The following DHRS3 variants were observed in gnomAD, a reference collection of about 807,000 sequenced individuals.
The protein encoded by DHRS3 is dehydrogenase/reductase 3.
In DHRS3, 14 loss-of-function variants were observed where a neutral mutation model predicts 27.2. The observed-to-expected ratio is 0.52, with a 90% CI of 0.34 to 0.81. The LOEUF (loss-of-function observed/expected upper bound fraction) is 0.81. Ranked by LOEUF, DHRS3 falls within the 30% of genes least tolerant of loss-of-function variation. DHRS3 has a pLI of 0.01. For synonymous variants in DHRS3, 165 were observed against 175.9 expected, an observed-to-expected ratio of 0.94 and a Z score of 0.49; for missense variants, 322 against 406.2, an observed-to-expected ratio of 0.79 and a Z score of 1.78.
At chr1:12,600,260 G>C in intron 1 of DHRS3, 7 of 678,652 alleles carry the variant, frequency 1.0e-5, no homozygotes, top group Non-Finnish European at 1.3e-5. Flanking sequence ...CATTTCCACT[G>C]ACTTGAAGGC....
At chr1:12,568,502 G>A in intron 5 of DHRS3, 78 bp from the exon 6 acceptor site, 1 of 1,386,746 alleles carries the variant, frequency 7.2e-7, no homozygotes, top group Non-Finnish European at 1.0e-6. Flanking sequence ...GTGGCCATGT[G>A]AGACGGGGCA....
chr1:12,578,729 G>C lies in DHRS3; in HGVS notation c.687C>G (p.Gly229=), dbSNP rs779542133. ...CCCTGCTCACTGACCTGACTCTCAT[G>C]CCCTGGAACATCTCGGTGCTGGTGT... is the stretch of plus-strand genomic sequence containing the variant. ...PFHTSTEMFQ[G]MRVRFPNLFP... The change falls in exon 4 of 6, where the codon GGC becomes GGG. Residue 229 remains glycine (G), a synonymous_variant. Coordinates refer to ENST00000616661, the MANE Select transcript of DHRS3 (RefSeq NM_004753.7). This position sits in a 1 kb window ranked among gnomAD's most constrained non-coding sequence, Gnocchi z 4.5. The C allele has an allele frequency of 9.3e-6, 15 of 1,612,996 alleles. No individual in the cohort carries two copies. In the East Asian group the frequency reaches 3.1e-4, roughly 34 times the overall value.
chr1:12,601,423 G>C (rs2100708794), intron 1 of DHRS3, among the ~76,000 whole-genome samples: 1 of 152,226 alleles, frequency 6.6e-6, no homozygotes, highest in East Asian at 1.9e-4. Context: ...CGAGCAGCAG[G>C]GGGCAGGTGT....
chr1:12,585,173 G>C (rs1158047068), intron 1 of DHRS3, among the ~76,000 whole-genome samples: 5 of 151,588 alleles, frequency 3.3e-5, no homozygotes, highest in Admixed American at 3.3e-4. Flanking sequence ...GTCTGTGGGT[G>C]TCTGAGTGTA....
chr1:12,610,942 CTG>C (rs754735536), intron 1 of DHRS3, among the ~76,000 whole-genome samples: 85 of 152,214 alleles, frequency 5.6e-4, no homozygotes, highest in Non-Finnish European at 1.1e-3. Flanking sequence ...ATGCTCAAAA[CTG>C]TGGTAGGATA....
intron 1 of DHRS3, among the ~76,000 whole-genome samples, chr1:12,610,939 A>G (rs1011856811): frequency 6.6e-6 from 1 of 152,148 alleles, no homozygotes; most frequent in African/African-American, 2.4e-5. Flanking sequence ...CTGATGCTCA[A>G]AACTGTGGTA....
intron 1 of DHRS3, among the ~76,000 whole-genome samples, chr1:12,589,481 T>C (rs1375895085): frequency 6.6e-6 from 1 of 151,268 alleles, no homozygotes; most frequent in Non-Finnish European, 1.5e-5. Flanking sequence ...CTCTGCTTCC[T>C]GGGTTTGAGC....
At chr1:12,573,714 T>C (rs1646559399) in intron 4 of DHRS3, among the ~76,000 whole-genome samples, 1 of 152,242 alleles carries the variant, frequency 6.6e-6, no homozygotes, top group Non-Finnish European at 1.5e-5. Context: ...TCAAAATGAA[T>C]GAATGAATGA....
rs1034874897 is a variant in DHRS3 at position 12,603,298 on chromosome 1, A to G, written c.195+13856T>C. ...AAAGAGGGGACATCCAGCAAATCCA[A>G]GAAGGGTCCATCGAGGAGAGGGAGC... On this transcript the variant is annotated intron_variant, in intron 1 of 5. Transcript: ENST00000616661. 2.0e-5 allele frequency among the ~76,000 whole-genome samples: 3 copies of G among 152,222 alleles called. 1 individual carries two copies. The highest frequency in any genetic ancestry group is 1.3e-4 in the Admixed American group (2 of 15,286).
At chr1:12,580,183 TC>T (rs1646631052) in intron 2 of DHRS3, 5 of 372,124 alleles carry the variant, frequency 1.3e-5, no homozygotes, top group Admixed American at 1.2e-4. Context: ...GGTTTCCCTC[TC>T]TTGGAGGTCA....
chr1:12,569,213 GTCCCC>G (rs1395344511), intron 5 of DHRS3, among the ~76,000 whole-genome samples: 54 of 44,092 alleles, frequency 1.2e-3, no homozygotes, highest in Admixed American at 2.6e-3. Context: ...GTAAAACTCT[GTCCCC>G]TCTCTCTCTC....
intron 1 of DHRS3, among the ~76,000 whole-genome samples, chr1:12,583,597 C>A (rs1426794461): frequency 7.1e-6 from 1 of 141,030 alleles, no homozygotes; most frequent in Non-Finnish European, 1.6e-5. Flanking sequence ...ACTTATCCAT[C>A]CATCCATCCA....
At chr1:12,587,483 A>G (rs1268458424) in intron 1 of DHRS3, among the ~76,000 whole-genome samples, 1 of 152,164 alleles carries the variant, frequency 6.6e-6, no homozygotes. Flanking sequence ...CTCAGGCAGG[A>G]TCACAGCTGA....
At chr1:12,598,259 G>A (rs563444127) in intron 1 of DHRS3, among the ~76,000 whole-genome samples, 5 of 152,214 alleles carry the variant, frequency 3.3e-5, no homozygotes, top group Admixed American at 6.5e-5. Context: ...ATGGTGGTGC[G>A]CGCCTGTAGT....
At chr1:12,577,691 C>T (rs558332565) in intron 4 of DHRS3, among the ~76,000 whole-genome samples, 184 of 152,174 alleles carry the variant, frequency 1.2e-3, no homozygotes, top group African/African-American at 3.1e-3. Flanking sequence ...TGGGTGCAAG[C>T]GCACGCCTGT....
At chr1:12,615,282 G>C (rs556545170) in intron 1 of DHRS3, among the ~76,000 whole-genome samples, 2 of 152,320 alleles carry the variant, frequency 1.3e-5, no homozygotes, top group South Asian at 4.1e-4. Flanking sequence ...TGACTGAACC[G>C]AGCATGAATG....
rs1249188236 is a variant in DHRS3, at chr1:12,594,968, G to A, written c.196-14302C>T. 6.6e-6 allele frequency among the ~76,000 whole-genome samples: 1 copy of A among 152,128 alleles called. No individual in the cohort carries two copies. Among genetic ancestry groups the A allele is most frequent in the Non-Finnish European group, 1.5e-5 (1 of 68,026 alleles). On this transcript the variant is annotated intron_variant, in intron 1 of 5. Transcript: ENST00000616661. This position sits in a 1 kb window ranked among gnomAD's most constrained non-coding sequence, Gnocchi z 4.1. ...TGGCCTGAGAAAATGGAAGAATGAG[G>A]TTGCCGTTCCCTGAGCCCCAGCGCC...
At chr1:12,596,947 C>T (rs1646802373) in intron 1 of DHRS3, among the ~76,000 whole-genome samples, 1 of 152,076 alleles carries the variant, frequency 6.6e-6, no homozygotes, top group South Asian at 2.1e-4. Context: ...TGTGAGAAGC[C>T]GGGGTGACGA....
chr1:12,617,276 C>A lies in DHRS3; in HGVS notation c.73G>T (p.Val25Phe). The change falls in exon 1 of 6, where the codon GTC becomes TTC. Residue 25 changes from valine to phenylalanine, a missense_variant. By Grantham distance (50) the Val-to-Phe change is conservative (BLOSUM62 -1). Coordinates refer to ENST00000616661, the MANE Select transcript of DHRS3 (RefSeq NM_004753.7). ...AGCTTGGCGGGCAGCACCAGTCCGA[C>A]GGCTGCTTTCACCACCAGATAGATC... Reference protein sequence around the residue: ...QMIYLVVKAAVGLVLPAKLRD... With the variant: ...QMIYLVVKAAFGLVLPAKLRD... 6.2e-7 allele frequency: 1 copy of A among 1,613,822 alleles called. No individual in the cohort carries two copies.
Sources: allele counts gnomAD v4.1 joint callset (sites outside exome capture counted in the v4.1 genomes callset), GRCh38; gene constraint gnomAD v4.1.1; non-coding constraint Gnocchi (gnomAD v3.1); transcripts MANE v1.5; gene names NCBI Gene and HGNC (gene_info 2026-07-23, HGNC 2026-07-21).